Variants in CHM observed in about 807,000 individuals in gnomAD.
CHM encodes rab proteins geranylgeranyltransferase component A 1.
CHM carries 10 observed loss-of-function variants against 49.0 expected under a neutral mutation model. The ratio of observed to expected loss-of-function variants is 0.20; its 90% CI spans 0.13 to 0.35. CHM has a LOEUF of 0.35. Among genes scored for constraint, CHM ranks in the 10% least tolerant of loss-of-function variants. The pLI is 1.00. For missense variants in CHM, 455 were observed against 478.4 expected (o/e 0.95, Z 0.46); for synonymous variants, 184 against 167.5 (o/e 1.10, Z -0.76).
chrX:85,950,471 G>A (rs1929685626), intron 8 of CHM, among the ~76,000 whole-genome samples: 1 of 110,560 alleles, frequency 9.0e-6, no homozygotes, highest in South Asian at 3.8e-4. Flanking sequence ...GAATCAATAT[G>A]CTGGAATACA....
Position 86,000,174 on chromosome X carries a change from A to G in CHM, c.117-18365T>C, listed in dbSNP as rs771421265. On this transcript the variant is annotated intron_variant, in intron 2 of 14. Coordinates refer to ENST00000357749, the MANE Select transcript of CHM (RefSeq NM_000390.4). ...TAAGAAATATTTAATGAAAATTAGG[A>G]AGATAGCCCTACTCAGCAGTTTTAT... Among the ~76,000 whole-genome samples, 4 of 109,805 alleles carry G rather than the reference A, an allele frequency of 3.6e-5. No individual in the cohort carries two copies. The South Asian group carries it at 1.6e-3, about 43-fold the overall frequency.
Position 85,964,050 on chromosome X carries a change from T to C in CHM, c.317A>G (p.Gln106Arg), listed in dbSNP as rs1179059439. 22 of 1,205,567 alleles carry C rather than the reference T, an allele frequency of 1.8e-5. No individual in the cohort carries two copies. Among genetic ancestry groups the C allele is most frequent in the Admixed American group, 2.2e-5 (1 of 45,768 alleles). The change falls in exon 5 of 15, where the codon CAG (glutamine) becomes CGG (arginine). Residue 106 changes from glutamine to arginine, a missense_variant and splice_region_variant. Coordinates refer to ENST00000357749, the MANE Select transcript of CHM (RefSeq NM_000390.4). ...QHVEVFCYAS[Q>R]DLHEDVEEAG... ...TTCTTCGACATCTTCATGCAAATCC[T>C]GACTAATAAGAAATATAATAATAAA...
At position 85,911,304 on chromosome X, in the gene CHM, G is replaced by C; in HGVS notation, c.1201C>G (p.Arg401Gly). ...CAVFGGIYCL[R>G]HSVQCLVVDK... ...ACTACAAGGCACTGTACTGAATGGC[G>C]AAGACAATAAATTCCACCAAACACA... The change falls in exon 9 of 15, where the codon CGC becomes GGC. Residue 401 changes from arginine to glycine, a missense_variant. By Grantham distance (125) the Arg-to-Gly change is moderately radical. Transcript: ENST00000357749. 9.5e-7 allele frequency: 1 copy of C among 1,050,581 alleles called. No homozygotes were observed. Among genetic ancestry groups the C allele is most frequent in the East Asian group, 4.4e-5 (1 of 22,735 alleles). 86.6% of individuals were successfully genotyped at this position (1,050,581 alleles called of 1,213,427 possible).
chrX:86,017,830 C>T (rs1933370311), intron 2 of CHM, among the ~76,000 whole-genome samples: 1 of 111,861 alleles, frequency 8.9e-6, no homozygotes, highest in African/African-American at 3.3e-5. Flanking sequence ...CTGTATGCCC[C>T]TATCTATACT....
intron 4 of CHM, among the ~76,000 whole-genome samples, chrX:85,966,203 G>T (rs1930570953): frequency 1.8e-5 from 2 of 109,494 alleles, no homozygotes; most frequent in Non-Finnish European, 3.8e-5. Context: ...GCAAAAATTA[G>T]CTGGGCGTGG....
In CHM at chrX:86,026,507, G is replaced by T. The variant is rs745827757; in HGVS notation, c.116+984C>A. On this transcript the variant is annotated intron_variant, in intron 2 of 14. Coordinates refer to ENST00000357749, the MANE Select transcript of CHM (RefSeq NM_000390.4). ...AATTGAGAGATTAACACAAGCAGTC[G>T]TGCATACAATAGTGAAATAGTAAAA... is the stretch of plus-strand genomic sequence containing the variant. Among the ~76,000 whole-genome samples the T allele has an allele frequency of 9.9e-5, 11 of 110,868 alleles. No individual in the cohort carries two copies. The South Asian group carries it at 4.1e-3, about 42-fold the overall frequency.
intron 7 of CHM, 119 bp from the exon 8 acceptor site, chrX:85,956,497 C>T: frequency 4.2e-6 from 4 of 959,324 alleles, no homozygotes; most frequent in Non-Finnish European, 5.6e-6. Context: ...GGTGGTATTA[C>T]ATTTTGGACA....
intron 14 of CHM, among the ~76,000 whole-genome samples, chrX:85,866,433 G>T (rs1923701295): frequency 8.9e-6 from 1 of 112,943 alleles, no homozygotes; most frequent in Non-Finnish European, 1.9e-5. Context: ...TGGCCAGGCA[G>T]AAGTCTGCTG....
At chrX:85,931,191 T>C (rs1928414109) in intron 8 of CHM, among the ~76,000 whole-genome samples, 1 of 111,343 alleles carries the variant, frequency 9.0e-6, no homozygotes. Context: ...CCTATCCAAA[T>C]TCCTAATCAT....
intron 8 of CHM, among the ~76,000 whole-genome samples, chrX:85,929,946 AC>A: frequency 9.1e-6 from 1 of 109,621 alleles, no homozygotes; most frequent in African/African-American, 3.3e-5. Context: ...TACTAATAAT[AC>A]AAAAATTAGC....
rs183611497 is a variant in CHM at position 85,910,945 on chromosome X, C to T, written c.1244+316G>A. On this transcript the variant is annotated intron_variant, in intron 9 of 14. Coordinates refer to ENST00000357749, the MANE Select transcript of CHM (RefSeq NM_000390.4). Reference sequence around the variant, plus strand: ...ATGACCAGGAGCTATAGGCATATTGCAGGGAAATTAATTTAGTTTCTATAT... The same window carrying T: ...ATGACCAGGAGCTATAGGCATATTGTAGGGAAATTAATTTAGTTTCTATAT... Among the ~76,000 whole-genome samples the T allele has an allele frequency of 5.2e-4, 53 of 101,378 alleles. No homozygotes were observed. In the Admixed American group the frequency reaches 5.3e-3, roughly 10 times the overall value. 88.0% of individuals were successfully genotyped at this position (101,378 alleles called of 115,157 possible).
At chrX:85,897,214 G>T (rs1052781375) in intron 11 of CHM, among the ~76,000 whole-genome samples, 2 of 96,191 alleles carry the variant, frequency 2.1e-5, no homozygotes, top group African/African-American at 7.6e-5. Flanking sequence ...ATATATACCA[G>T]CATATATGAA....
intron 8 of CHM, among the ~76,000 whole-genome samples, chrX:85,920,386 G>A (rs564696265): frequency 6.3e-5 from 7 of 111,734 alleles, no homozygotes; most frequent in Admixed American, 1.9e-4. Flanking sequence ...GTGAGCCACC[G>A]TGCCCGGCCC....
intron 12 of CHM, among the ~76,000 whole-genome samples, chrX:85,892,459 T>C (rs1925534843): frequency 9.0e-6 from 1 of 111,121 alleles, no homozygotes; most frequent in African/African-American, 3.3e-5. Flanking sequence ...CAAGATCTGA[T>C]GGGTTTATCA....
At chrX:85,976,495 G>A (rs990660475) in intron 4 of CHM, among the ~76,000 whole-genome samples, 14 of 110,218 alleles carry the variant, frequency 1.3e-4, no homozygotes, top group Non-Finnish European at 2.5e-4. Flanking sequence ...GGTGGCAGGC[G>A]CCTGCAGTCC....
intron 8 of CHM, among the ~76,000 whole-genome samples, chrX:85,955,478 T>C (rs1929962537): frequency 8.9e-6 from 1 of 111,744 alleles, no homozygotes; most frequent in Non-Finnish European, 1.9e-5. Flanking sequence ...AGTAAACATA[T>C]GAGAAAAGGT....
intron 9 of CHM, among the ~76,000 whole-genome samples, chrX:85,904,045 A>T (rs1926448540): frequency 8.9e-6 from 1 of 112,017 alleles, no homozygotes; most frequent in South Asian, 3.7e-4. Flanking sequence ...GAATAAAAAA[A>T]CATTGATTTT....
intron 8 of CHM, among the ~76,000 whole-genome samples, chrX:85,925,803 C>T (rs1043671058): frequency 3.6e-5 from 4 of 111,433 alleles, no homozygotes; most frequent in African/African-American, 1.3e-4. Context: ...CTCTTCATGG[C>T]TATGTTCAGG....
rs772032521 is a variant in CHM at position 85,900,709 on chromosome X, C to T, written c.1350G>A (p.Arg450=). ...PENMCSRVQY[R]QISRAVLITD... ...TAATCAGCACTGCCCTGGAGATCTGCCTGTAATGCACAAAACAGTGAAGCA... is the reference window on the plus strand; with the variant it reads ...TAATCAGCACTGCCCTGGAGATCTGTCTGTAATGCACAAAACAGTGAAGCA... The change falls in exon 11 of 15, where the codon AGG becomes AGA. Residue 450 remains arginine (R), a splice_region_variant and synonymous_variant. Transcript: ENST00000357749. The T allele has an allele frequency of 3.4e-6, 4 of 1,173,457 alleles. No homozygotes were observed. In the South Asian group the frequency reaches 7.3e-5, roughly 21 times the overall value.
Sources: allele counts gnomAD v4.1 joint callset (sites outside exome capture counted in the v4.1 genomes callset), GRCh38; gene constraint gnomAD v4.1.1; transcripts MANE v1.5; gene names NCBI Gene and HGNC (gene_info 2026-07-23, HGNC 2026-07-21).